The following DCDC2C variants were observed in gnomAD, a reference collection of about 807,000 sequenced individuals.
DCDC2C encodes doublecortin domain-containing protein 2C.
DCDC2C carries 44 observed loss-of-function variants against 45.0 expected under a neutral mutation model. The observed-to-expected ratio is 0.98, with a 90% confidence interval of 0.77 to 1.26. The LOEUF is 1.26. Among genes scored for constraint, DCDC2C ranks in the 50% most tolerant of loss-of-function variants. DCDC2C has a pLI of 0.00. For synonymous variants in DCDC2C, 187 were observed against 178.8 expected, an observed-to-expected ratio of 1.05 and a Z score of -0.37; for missense variants, 447 against 468.9, an observed-to-expected ratio of 0.95 and a Z score of 0.43.
intron 10 of DCDC2C, among the ~76,000 whole-genome samples, chr2:3,846,318 C>T (rs1341900094): frequency 2.6e-5 from 4 of 151,828 alleles, no homozygotes; most frequent in Admixed American, 6.6e-5. Context: ...CTCACTCTGT[C>T]GCTCAGGCTG....
intron 2 of DCDC2C, among the ~76,000 whole-genome samples, chr2:3,709,247 G>A (rs1256207388): frequency 6.6e-6 from 1 of 152,186 alleles, no homozygotes; most frequent in Non-Finnish European, 1.5e-5. Context: ...ACTTCTCTAA[G>A]TTGCAATGTT....
chr2:3,754,290 C>T (rs1402686418), intron 5 of DCDC2C, among the ~76,000 whole-genome samples: 1 of 152,180 alleles, frequency 6.6e-6, no homozygotes, highest in Non-Finnish European at 1.5e-5. Context: ...GAAAGCCTCA[C>T]TAAAGAGGAA....
At chr2:3,767,057 G>A (rs62107567) in intron 6 of DCDC2C, among the ~76,000 whole-genome samples, 22,747 of 152,272 alleles carry the variant, frequency 0.15, 1,788 homozygotes, top group East Asian at 0.27. Context: ...TAAGTGTTGC[G>A]AGCGTGTTTA....
At chr2:3,763,731 G>A (rs767866401) in intron 6 of DCDC2C, among the ~76,000 whole-genome samples, 5 of 152,170 alleles carry the variant, frequency 3.3e-5, no homozygotes, top group Non-Finnish European at 7.3e-5. Context: ...ACAGCCCACC[G>A]TTTAGAATGG....
At chr2:3,789,659 T>C (rs1670753163) in intron 10 of DCDC2C, among the ~76,000 whole-genome samples, 2 of 152,252 alleles carry the variant, frequency 1.3e-5, no homozygotes, top group South Asian at 4.1e-4. Flanking sequence ...TCCTACTAAA[T>C]GCTCCCTTTA....
intron 10 of DCDC2C, among the ~76,000 whole-genome samples, chr2:3,844,937 C>T (rs538611549): frequency 3.2e-5 from 4 of 125,632 alleles, no homozygotes; most frequent in East Asian, 1.0e-3. Context: ...TTTTTAAAAG[C>T]GAATTAAGGC....
intron 2 of DCDC2C, among the ~76,000 whole-genome samples, chr2:3,717,607 C>T (rs1176479913): frequency 6.6e-6 from 1 of 152,146 alleles, no homozygotes; most frequent in Non-Finnish European, 1.5e-5. Flanking sequence ...CCAACCTTGT[C>T]CCTTTCCCAT....
At chr2:3,747,425 CA>C (rs1347173322) in intron 4 of DCDC2C, among the ~76,000 whole-genome samples, 1 of 152,212 alleles carries the variant, frequency 6.6e-6, no homozygotes. Flanking sequence ...GAGAAGCCCC[CA>C]CCCCAAAGGC....
intron 1 of DCDC2C, among the ~76,000 whole-genome samples, chr2:3,705,969 G>A (rs187137995): frequency 6.6e-5 from 10 of 152,278 alleles, no homozygotes; most frequent in Admixed American, 3.9e-4. Context: ...GATGAGCCAT[G>A]TCTGCATGTG....
At chr2:3,766,103 C>T (rs758713008) in intron 6 of DCDC2C, among the ~76,000 whole-genome samples, 8 of 152,004 alleles carry the variant, frequency 5.3e-5, no homozygotes, top group Non-Finnish European at 7.4e-5. Context: ...GTGGAGGCTC[C>T]GCGTTTGTAT....
chr2:3,769,323 A>G lies in DCDC2C; in HGVS notation c.866A>G (p.Tyr289Cys). 6.4e-7 allele frequency: 1 copy of G among 1,550,514 alleles called. No individual in the cohort carries two copies. Among genetic ancestry groups the G allele is most frequent in the Non-Finnish European group, 8.7e-7 (1 of 1,146,890 alleles). ...LVQRGAEGDV[Y>C]KAPTPSKETQ... is the part of the protein sequence containing the mutation. ...GATTTTCTCCCAGAAGGTGACGTGT[A>G]TAAAGCACCGACTCCTAGCAAGGAA... Residue 289 changes from tyrosine to cysteine, a missense_variant, in exon 8 of 11, where the codon TAT becomes TGT. Transcript: ENST00000399143.
Position 3,778,883 on chromosome 2 carries a change from A to AAATCAG in DCDC2C, c.1022_1023insAATCAG (p.Lys341_Asp342insIleArg). The AAATCAG allele has an allele frequency of 6.4e-7, 1 of 1,550,914 alleles. No individual in the cohort carries two copies. Among genetic ancestry groups the AAATCAG allele is most frequent in the East Asian group, 2.4e-5 (1 of 40,918 alleles). ...AACACCCCTGATTTTGAGGGCAACA[A>AAATCAG]GGTGAGTTCATTTTATTTTGTGTTT... On this transcript the variant is annotated inframe_insertion and splice_region_variant, in exon 9 of 11. Coordinates refer to ENST00000399143, the MANE Select transcript of DCDC2C (RefSeq NM_001287444.2).
chr2:3,759,830 T>C (rs906562277), intron 6 of DCDC2C, among the ~76,000 whole-genome samples: 1 of 152,250 alleles, frequency 6.6e-6, no homozygotes, highest in African/African-American at 2.4e-5. Flanking sequence ...CTCTGTGGAA[T>C]AGAAGGATGG....
intron 3 of DCDC2C, among the ~76,000 whole-genome samples, chr2:3,738,452 G>A (rs1331828868): frequency 7.2e-6 from 1 of 138,774 alleles, no homozygotes; most frequent in East Asian, 2.3e-4. Flanking sequence ...AGGAGAGATA[G>A]TGAAATTAAA....
intron 10 of DCDC2C, among the ~76,000 whole-genome samples, chr2:3,817,324 A>C (rs141956192): frequency 6.6e-6 from 1 of 152,158 alleles, no homozygotes; most frequent in Non-Finnish European, 1.5e-5. Flanking sequence ...GTAGTGAGGA[A>C]ACCTCTTTTT....
Position 3,750,347 on chromosome 2 carries a change from G to C in DCDC2C, c.546-2416G>C, listed in dbSNP as rs545072780. On this transcript the variant is annotated intron_variant, in intron 4 of 10. Coordinates refer to ENST00000399143, the MANE Select transcript of DCDC2C (RefSeq NM_001287444.2). ...CAACACAAATTGGTCCTTGTATTTG[G>C]TCACCTTTACTTCACGTCATTCTCA... Among the ~76,000 whole-genome samples the C allele has an allele frequency of 7.1e-4, 108 of 152,162 alleles. 1 individual carries two copies. The highest frequency in any genetic ancestry group is 1.5e-3 in the South Asian group (7 of 4,806).
chr2:3,708,790 G>C (rs748329048), intron 2 of DCDC2C, among the ~76,000 whole-genome samples, 190 bp downstream of exon 2: 1 of 152,230 alleles, frequency 6.6e-6, no homozygotes, highest in African/African-American at 2.4e-5. Context: ...CCAAGTGGCG[G>C]AAGGCAGTGA....
intron 10 of DCDC2C, among the ~76,000 whole-genome samples, chr2:3,817,264 C>A (rs530757248): frequency 2.6e-5 from 4 of 152,248 alleles, no homozygotes; most frequent in South Asian, 4.2e-4. Flanking sequence ...AGTAAAGCGG[C>A]CTTGAGAAGA....
chr2:3,754,354 A>G (rs1669625073), intron 5 of DCDC2C, among the ~76,000 whole-genome samples: 1 of 152,232 alleles, frequency 6.6e-6, no homozygotes, highest in South Asian at 2.1e-4. Flanking sequence ...GGGGCTGTTT[A>G]CTGTGGTAGA....
Sources: allele counts gnomAD v4.1 joint callset (sites outside exome capture counted in the v4.1 genomes callset), GRCh38; gene constraint gnomAD v4.1.1; transcripts MANE v1.5; gene names NCBI Gene and HGNC (gene_info 2026-07-23, HGNC 2026-07-21).